CCSER1: variants seen among roughly 807,000 people sequenced by gnomAD.
The protein encoded by CCSER1 is serine-rich coiled-coil domain-containing protein 1.
CCSER1 carries 41 observed loss-of-function variants against 82.0 expected under a neutral mutation model. The observed-to-expected ratio is 0.50, with a 90% CI of 0.39 to 0.65. The LOEUF (loss-of-function observed/expected upper bound fraction) is 0.65. Ranked by LOEUF, CCSER1 falls within the 30% of genes least tolerant of loss-of-function variation. CCSER1 has a pLI of 0.00. For missense variants in CCSER1, 1,119 were observed against 1,064.2 expected, an observed-to-expected ratio of 1.05 and a Z score of -0.72; for synonymous variants, 414 against 383.9, an observed-to-expected ratio of 1.08 and a Z score of -0.92.
At chr4:91,085,913 G>T (rs914738190) in intron 9 of CCSER1, 37 bp from the exon 10 acceptor site, 3 of 1,170,898 alleles carry the variant, frequency 2.6e-6, no homozygotes, top group Non-Finnish European at 3.7e-6. Flanking sequence ...TTAATTCTTC[G>T]TTGCCAATAA....
intron 1 of CCSER1, among the ~76,000 whole-genome samples, chr4:90,294,948 G>A (rs547728278): frequency 7.2e-5 from 11 of 151,914 alleles, no homozygotes; most frequent in Admixed American, 7.2e-4. Flanking sequence ...GACATAAAAT[G>A]TATTCCGAAT....
At chr4:91,080,391 C>G (rs996553720) in intron 9 of CCSER1, among the ~76,000 whole-genome samples, 3 of 152,092 alleles carry the variant, frequency 2.0e-5, no homozygotes, top group African/African-American at 7.2e-5. Flanking sequence ...CACAACACAC[C>G]AGAATCTCTG....
chr4:91,338,225 C>T (rs1262400878), intron 10 of CCSER1, among the ~76,000 whole-genome samples: 1 of 152,080 alleles, frequency 6.6e-6, no homozygotes, highest in African/African-American at 2.4e-5. Flanking sequence ...TACATTATGA[C>T]AGTTATTATA....
intron 4 of CCSER1, among the ~76,000 whole-genome samples, chr4:90,430,872 A>G (rs990977524): frequency 1.3e-5 from 2 of 152,094 alleles, no homozygotes; most frequent in Admixed American, 6.6e-5. Context: ...AAAAAGGCAT[A>G]TGCTCAAATT....
At chr4:91,336,162 A>G (rs1747311476) in intron 10 of CCSER1, among the ~76,000 whole-genome samples, 1 of 152,128 alleles carries the variant, frequency 6.6e-6, no homozygotes, top group African/African-American at 2.4e-5. Context: ...GTTGTTGATA[A>G]GAGAATCTCC....
Position 90,845,607 on chromosome 4 carries a change from A to G in CCSER1, c.2094+29762A>G, listed in dbSNP as rs1387520570. Among the ~76,000 whole-genome samples, 6 of 152,180 alleles carry G rather than the reference A, an allele frequency of 3.9e-5. No individual in the cohort carries two copies. In the East Asian group the frequency reaches 1.2e-3, roughly 29 times the overall value. On this transcript the variant is annotated intron_variant, in intron 8 of 10. Transcript: ENST00000509176. ...TATGACAGAGGAACTGTGGTAGAGTAGTTATCAGAATCAGAACTAGGAGTG... is the reference window on the plus strand; with the variant it reads ...TATGACAGAGGAACTGTGGTAGAGTGGTTATCAGAATCAGAACTAGGAGTG...
At chr4:91,345,428 A>G (rs557218960) in intron 10 of CCSER1, among the ~76,000 whole-genome samples, 1 of 152,264 alleles carries the variant, frequency 6.6e-6, no homozygotes, top group African/African-American at 2.4e-5. Context: ...TCTATGAGCA[A>G]TATGATCAAT....
At chr4:90,977,758 AT>A (rs1369916355) in intron 9 of CCSER1, among the ~76,000 whole-genome samples, 2 of 151,524 alleles carry the variant, frequency 1.3e-5, no homozygotes, top group Admixed American at 1.3e-4. Flanking sequence ...CACTCATTTC[AT>A]TGTCAGTTCT....
At chr4:90,811,991 A>C (rs935431813) in intron 7 of CCSER1, among the ~76,000 whole-genome samples, 2,213 of 117,880 alleles carry the variant, frequency 0.019, 41 homozygotes, top group African/African-American at 0.061. Flanking sequence ...TATATATATA[A>C]ACACATATAT....
chr4:90,836,412 G>A (rs904286319), intron 8 of CCSER1, among the ~76,000 whole-genome samples: 2 of 151,918 alleles, frequency 1.3e-5, no homozygotes, highest in Non-Finnish European at 2.9e-5. Flanking sequence ...TGACTCACAA[G>A]CTTTGCTTTG....
intron 5 of CCSER1, among the ~76,000 whole-genome samples, chr4:90,593,647 C>T (rs911709608): frequency 2.7e-5 from 4 of 150,014 alleles, no homozygotes; most frequent in South Asian, 2.1e-4. Flanking sequence ...TTTAAATTCA[C>T]GAAAATCATT....
At chr4:90,394,037 C>T (rs1346137377) in intron 3 of CCSER1, among the ~76,000 whole-genome samples, 4 of 151,444 alleles carry the variant, frequency 2.6e-5, no homozygotes, top group Non-Finnish European at 4.4e-5. Flanking sequence ...GCCTCAGCCT[C>T]CCAAAGTGTT....
intron 10 of CCSER1, among the ~76,000 whole-genome samples, chr4:91,261,531 G>A (rs753523265): frequency 2.6e-5 from 4 of 152,130 alleles, no homozygotes; most frequent in South Asian, 2.1e-4. Context: ...TGCTGTGTAC[G>A]TAATAATCTT....
intron 10 of CCSER1, among the ~76,000 whole-genome samples, chr4:91,275,257 G>A (rs934914102): frequency 6.6e-6 from 1 of 151,960 alleles, no homozygotes; most frequent in Non-Finnish European, 1.5e-5. Flanking sequence ...CACCCACAAT[G>A]TATAAGAGTT....
At chr4:90,431,961 A>C (rs1440124292) in intron 4 of CCSER1, among the ~76,000 whole-genome samples, 1 of 151,982 alleles carries the variant, frequency 6.6e-6, no homozygotes, top group Non-Finnish European at 1.5e-5. Context: ...ATTTCTTGGA[A>C]TATGTCACTG....
chr4:90,536,189 C>T (rs1775333638), intron 5 of CCSER1, among the ~76,000 whole-genome samples: 2 of 151,974 alleles, frequency 1.3e-5, no homozygotes, highest in South Asian at 4.2e-4. Flanking sequence ...CCCGCCACCA[C>T]ACTGGGCTAA....
chr4:90,521,288 AAAG>A (rs1279103387), intron 5 of CCSER1, among the ~76,000 whole-genome samples: 2 of 152,238 alleles, frequency 1.3e-5, no homozygotes, highest in Non-Finnish European at 2.9e-5. Context: ...AGGAAAAAGT[AAAG>A]AAGGACAAAA....
intron 10 of CCSER1, among the ~76,000 whole-genome samples, chr4:91,215,458 C>T (rs1170430346): frequency 2.0e-5 from 3 of 152,260 alleles, no homozygotes; most frequent in African/African-American, 7.2e-5. Context: ...CCACAATAGT[C>T]TGTCTGCAAG....
chr4:91,021,193 T>A (rs1739930735), intron 9 of CCSER1, among the ~76,000 whole-genome samples: 1 of 152,182 alleles, frequency 6.6e-6, no homozygotes. Context: ...TATTTTCTTT[T>A]AGTCTCTTTC....
Sources: gnomAD v4.1 joint callset for allele counts (sites outside exome capture counted in the v4.1 genomes callset) on GRCh38, gnomAD v4.1.1 for gene constraint, MANE v1.5 for transcripts, NCBI Gene and HGNC (gene_info 2026-07-23, HGNC 2026-07-21) for gene names.